The following PSD3 variants were observed in gnomAD, a reference collection of about 807,000 sequenced individuals.
The protein encoded by PSD3 is PH and SEC7 domain-containing protein 3.
In PSD3, 49 loss-of-function variants were observed where a neutral mutation model predicts 105.5. The ratio of observed to expected loss-of-function variants is 0.46; its 90% CI spans 0.37 to 0.59. The LOEUF is 0.59. PSD3 is among the 20% of genes least tolerant of loss of function. The pLI, the probability that PSD3 is intolerant of heterozygous loss-of-function variation, is 0.00. For missense variants in PSD3, 1,561 were observed against 1,263.8 expected (o/e 1.24, Z -3.57); for synonymous variants, 557 against 457.8 (o/e 1.22, Z -2.77).
rs34526501 is a variant in PSD3 at position 18,614,807 on chromosome 8, T to C, written c.2411-14373A>G. Among the ~76,000 whole-genome samples the C allele has an allele frequency of 3.2e-5, 3 of 95,068 alleles. No individual in the cohort carries two copies. In the East Asian group the frequency reaches 7.5e-4, roughly 24 times the overall value. 62.4% of individuals were successfully genotyped at this position (95,068 alleles called of 152,430 possible). On this transcript the variant is annotated intron_variant, in intron 11 of 15. Transcript: ENST00000327040. ...TCATGCCTGGCTAATTTTTTTTTTG[T>C]TTTGTTTTCATAGACACGGGGTCTT...
At chr8:18,667,669 C>T (rs1325684181) in intron 9 of PSD3, among the ~76,000 whole-genome samples, 1 of 152,234 alleles carries the variant, frequency 6.6e-6, no homozygotes, top group Non-Finnish European at 1.5e-5. Flanking sequence ...CCAGTCCCGC[C>T]GTGTGCCTGC....
intron 1 of PSD3, among the ~76,000 whole-genome samples, chr8:18,968,733 G>A (rs1038798191): frequency 6.6e-6 from 1 of 152,006 alleles, no homozygotes; most frequent in Non-Finnish European, 1.5e-5. Context: ...AAAATTAGCT[G>A]GGTGTGGTGG....
chr8:18,892,512 C>T (rs138755905), intron 2 of PSD3, among the ~76,000 whole-genome samples: 3 of 152,006 alleles, frequency 2.0e-5, no homozygotes, highest in Non-Finnish European at 4.4e-5. Context: ...CGTGAGCCAC[C>T]GCACCTGGCC....
intron 14 of PSD3, among the ~76,000 whole-genome samples, chr8:18,563,827 T>C (rs1801558087): frequency 6.6e-6 from 1 of 152,170 alleles, no homozygotes; most frequent in South Asian, 2.1e-4. Flanking sequence ...ATTAGAATCA[T>C]ATTTTAGTCA....
intron 1 of PSD3, among the ~76,000 whole-genome samples, chr8:18,982,349 T>C (rs941034135): frequency 1.3e-5 from 2 of 152,212 alleles, no homozygotes; most frequent in African/African-American, 2.4e-5. Context: ...AAGTTATCCA[T>C]GAGGGTTGGA....
rs376342879 is a variant in PSD3, at chr8:18,932,681, T to C, written c.130+3353A>G. Among the ~76,000 whole-genome samples the C allele has an allele frequency of 5.9e-5, 9 of 152,344 alleles. 1 individual carries two copies. Among genetic ancestry groups the C allele is most frequent in the African/African-American group, 2.2e-4 (9 of 41,576 alleles). On this transcript the variant is annotated intron_variant, in intron 2 of 15. Transcript: ENST00000327040. ...TCACCTACTTATTTTTAAAAGTCTGTAAACTCTTCAACTTGCCTTAGGAGG... is the reference window on the plus strand; with the variant it reads ...TCACCTACTTATTTTTAAAAGTCTGCAAACTCTTCAACTTGCCTTAGGAGG...
intron 9 of PSD3, among the ~76,000 whole-genome samples, chr8:18,760,412 C>T (rs1806421654): frequency 6.6e-6 from 1 of 150,782 alleles, no homozygotes. Flanking sequence ...CCACCATCCC[C>T]AGACCCCTGG....
chr8:18,614,340 T>TCCCC (rs150517140), intron 11 of PSD3, among the ~76,000 whole-genome samples: 12 of 93,600 alleles, frequency 1.3e-4, no homozygotes, highest in African/African-American at 4.2e-4. Context: ...TTCTCCCCCA[T>TCCCC]CCCCCCCCCA....
chr8:18,953,969 C>G (rs990715808), intron 1 of PSD3, among the ~76,000 whole-genome samples: 1 of 152,006 alleles, frequency 6.6e-6, no homozygotes, highest in African/African-American at 2.4e-5. Flanking sequence ...CAAGTACAAA[C>G]TGCAGGGTTG....
At position 18,902,007 on chromosome 8, in the gene PSD3, C is replaced by A. The variant is rs181994409; in HGVS notation, c.131-29274G>T. On this transcript the variant is annotated intron_variant, in intron 2 of 15. Transcript: ENST00000327040. Reference sequence around the variant, plus strand: ...CAATTTGACATAAATGTGCCTCAGGCAAAAAAGAAAAAAGAAAAAAAAAGA... The same window carrying A: ...CAATTTGACATAAATGTGCCTCAGGAAAAAAAGAAAAAAGAAAAAAAAAGA... 7.6e-3 allele frequency among the ~76,000 whole-genome samples: 1,140 copies of A among 149,834 alleles called. 20 individuals are homozygous for A. The highest frequency in any genetic ancestry group is 0.026 in the African/African-American group (1,082 of 40,856).
intron 9 of PSD3, among the ~76,000 whole-genome samples, chr8:18,667,226 A>G (rs1799522728): frequency 6.6e-6 from 1 of 152,164 alleles, no homozygotes. Flanking sequence ...TCTGTTTTAC[A>G]GAGAACTGAT....
At chr8:18,979,902 C>G (rs1371376120) in intron 1 of PSD3, 1 of 152,152 alleles carries the variant, frequency 6.6e-6, no homozygotes, top group Non-Finnish European at 1.5e-5. Flanking sequence ...AACAAACCTC[C>G]AAATCATTGA....
intron 15 of PSD3, among the ~76,000 whole-genome samples, chr8:18,541,292 G>T (rs927691693): frequency 6.6e-6 from 1 of 151,488 alleles, no homozygotes; most frequent in East Asian, 1.9e-4. Context: ...AGGAATAAGC[G>T]CCACTGAGTG....
At chr8:18,633,973 A>G (rs1316228786) in intron 10 of PSD3, among the ~76,000 whole-genome samples, 1 of 151,970 alleles carries the variant, frequency 6.6e-6, no homozygotes, top group Non-Finnish European at 1.5e-5. Flanking sequence ...CTGGTGTCAG[A>G]TGGTATCTCA....
chr8:18,881,056 C>T (rs1232464567), intron 2 of PSD3, among the ~76,000 whole-genome samples: 2 of 152,188 alleles, frequency 1.3e-5, no homozygotes, highest in Non-Finnish European at 2.9e-5. Context: ...CATTAGAAGT[C>T]ATACTTTTCT....
chr8:18,835,355 C>T (rs1814019574), intron 4 of PSD3, among the ~76,000 whole-genome samples: 1 of 152,130 alleles, frequency 6.6e-6, no homozygotes, highest in Non-Finnish European at 1.5e-5. Flanking sequence ...TTTACAGATC[C>T]TTATACCTCA....
At chr8:18,724,965 A>G (rs1803244813) in intron 9 of PSD3, among the ~76,000 whole-genome samples, 1 of 152,220 alleles carries the variant, frequency 6.6e-6, no homozygotes, top group Non-Finnish European at 1.5e-5. Context: ...AAAGAAAGAA[A>G]AAGAAAAGTC....
At chr8:19,042,002 T>C (rs1219795396) in intron 1 of PSD3, among the ~76,000 whole-genome samples, 1 of 152,198 alleles carries the variant, frequency 6.6e-6, no homozygotes, top group Admixed American at 6.5e-5. Flanking sequence ...TTCAGAGTTT[T>C]ACATGAATTC....
rs200442632 is a variant in PSD3 at position 18,872,167 on chromosome 8, T to C, written c.697A>G (p.Met233Val). Residue 233 changes from methionine (M) to valine (V), a missense_variant, in exon 3 of 16, where the codon ATG becomes GTG. Met to Val is a conservative substitution (Grantham distance 21). Coordinates refer to ENST00000327040, the MANE Select transcript of PSD3 (RefSeq NM_015310.4). ...GDTQAEISQI[M>V]NNGRKGAVCV... is the part of the protein sequence containing the mutation. Reference sequence around the variant, plus strand: ...ACAGCCCCTTTCCTCCCATTATTCATTATCTGGGAAATCTCTGCCTGAGTG... The same window carrying C: ...ACAGCCCCTTTCCTCCCATTATTCACTATCTGGGAAATCTCTGCCTGAGTG... 1.1e-5 allele frequency: 17 copies of C among 1,614,052 alleles called. No homozygotes were observed. The highest frequency in any genetic ancestry group is 1.4e-5 in the Non-Finnish European group (17 of 1,180,022).
Sources: gnomAD v4.1 joint callset for allele counts (sites outside exome capture counted in the v4.1 genomes callset) on GRCh38, gnomAD v4.1.1 for gene constraint, MANE v1.5 for transcripts, NCBI Gene and HGNC (gene_info 2026-07-23, HGNC 2026-07-21) for gene names.